The following IGSF23 variants were observed in gnomAD, a reference collection of about 807,000 sequenced individuals.
The protein encoded by IGSF23 is immunoglobulin superfamily, member 23.
In IGSF23, 14 loss-of-function variants were observed where a neutral mutation model predicts 17.8. The observed-to-expected ratio is 0.79, with a 90% CI of 0.52 to 1.23. The LOEUF is 1.23. Among genes scored for constraint, IGSF23 ranks in the 50% most tolerant of loss-of-function variants. IGSF23 has a pLI of 0.00. For missense variants in IGSF23, 214 were observed against 241.7 expected (o/e 0.89, Z 0.76); for synonymous variants, 85 against 92.5 (o/e 0.92, Z 0.46).
At chr19:44,617,848 G>A (rs936407962) in intron 1 of IGSF23, among the ~76,000 whole-genome samples, 21 of 152,064 alleles carry the variant, frequency 1.4e-4, no homozygotes, top group African/African-American at 4.3e-4. Flanking sequence ...TTACTCCCCC[G>A]CTGCCCTCTC....
chr19:44,636,017 G>T (rs1972881581), intron 4 of IGSF23, among the ~76,000 whole-genome samples: 1 of 152,188 alleles, frequency 6.6e-6, no homozygotes, highest in Admixed American at 6.5e-5. Flanking sequence ...TAGCCTCATA[G>T]CTGGGACAAC....
intron 3 of IGSF23, 138 bp from the exon 4 acceptor site, chr19:44,635,263 A>T: frequency 1.5e-6 from 1 of 676,500 alleles, no homozygotes; most frequent in Non-Finnish European, 2.5e-6. Flanking sequence ...TGTCTGAAGA[A>T]TCTATCTCCA....
At chr19:44,624,899 C>CA (rs71171273) in intron 2 of IGSF23, among the ~76,000 whole-genome samples, 3,032 of 87,534 alleles carry the variant, frequency 0.035, 228 homozygotes, top group African/African-American at 0.14. Flanking sequence ...CTGTCTCTAC[C>CA]AAAAAAAAAA....
chr19:44,619,219 C>T (rs1045090918), intron 1 of IGSF23, among the ~76,000 whole-genome samples: 2 of 152,264 alleles, frequency 1.3e-5, no homozygotes, highest in South Asian at 2.1e-4. Flanking sequence ...ATGAGGACAG[C>T]GTCAAGCCAT....
chr19:44,617,611 C>T (rs1042230242), intron 1 of IGSF23, among the ~76,000 whole-genome samples: 1 of 152,122 alleles, frequency 6.6e-6, no homozygotes, highest in African/African-American at 2.4e-5. Flanking sequence ...CCAGAACAAA[C>T]ATTATGTCAC....
chr19:44,627,326 A>G, intron 2 of IGSF23, 94 bp from the exon 3 acceptor site: 1 of 1,276,326 alleles, frequency 7.8e-7, no homozygotes, highest in Non-Finnish European at 1.1e-6. Context: ...GGATGGATTG[A>G]AGAGACACTT....
intron 3 of IGSF23, among the ~76,000 whole-genome samples, chr19:44,630,638 G>A (rs1972744832): frequency 6.6e-6 from 1 of 152,200 alleles, no homozygotes; most frequent in Non-Finnish European, 1.5e-5. Context: ...AGACTCCTGG[G>A]ACAAGGCCAA....
chr19:44,619,550 C>T (rs1599731445), intron 1 of IGSF23, among the ~76,000 whole-genome samples: 1 of 152,172 alleles, frequency 6.6e-6, no homozygotes, highest in South Asian at 2.1e-4. Context: ...TCGGCTCGGG[C>T]AAAATACTCT....
intron 3 of IGSF23, among the ~76,000 whole-genome samples, chr19:44,630,143 G>A (rs1227372909): frequency 2.6e-5 from 4 of 152,186 alleles, no homozygotes; most frequent in Non-Finnish European, 4.4e-5. Context: ...TTGTGAGGAA[G>A]AGAAATCTGT....
rs370033918 is a variant in IGSF23 at position 44,613,852 on chromosome 19, G to A, written c.125+82G>A. ...GCAGGGTGAGGCCGGGGCTGCAGAC[G>A]CGACTGTACAGGTCTATGAAGACCC... On this transcript the variant is annotated intron_variant, in intron 1 of 4. Transcript: ENST00000402988. 222 of 1,546,524 alleles carry A rather than the reference G, an allele frequency of 1.4e-4. 1 individual carries two copies. In the African/African-American group the frequency reaches 2.6e-3, roughly 18 times the overall value.
Position 44,623,736 on chromosome 19 carries a change from C to A in IGSF23, c.155C>A (p.Pro52Gln). 1.3e-6 allele frequency: 2 copies of A among 1,551,136 alleles called. No individual in the cohort carries two copies. The highest frequency in any genetic ancestry group is 1.7e-6 in the Non-Finnish European group (2 of 1,147,096). The change falls in exon 2 of 5, where the codon CCA becomes CAA. Residue 52 changes from proline (P) to glutamine (Q), a missense_variant. By Grantham distance (76) the Pro-to-Gln change is moderately conservative. Transcript: ENST00000402988. The stretch of plus-strand genomic sequence containing the variant: ...CAACTAATGCCACTGAAGACATTCC[C>A]AGCTGCTATCCGGGGAGTCATCCAG... ...VLQLMPLKTF[P>Q]AAIRGVIQSE...
intron 1 of IGSF23, among the ~76,000 whole-genome samples, chr19:44,621,307 CT>C (rs1400927768): frequency 7.0e-6 from 1 of 142,878 alleles, no homozygotes; most frequent in Admixed American, 7.2e-5. Context: ...AAAAATAGCC[CT>C]GTTTGTTTCA....
chr19:44,626,668 C>T (rs1972654546), intron 2 of IGSF23, among the ~76,000 whole-genome samples: 2 of 152,168 alleles, frequency 1.3e-5, no homozygotes, highest in East Asian at 1.9e-4. Flanking sequence ...GAGGTTGAGG[C>T]GGGTGGGTCA....
intron 3 of IGSF23, among the ~76,000 whole-genome samples, chr19:44,633,662 C>T (rs62119276): frequency 0.06 from 9,086 of 152,210 alleles, 349 homozygotes; most frequent in South Asian, 0.16. Context: ...GCCACGTGGA[C>T]GACCAGTGCT....
intron 3 of IGSF23, 50 bp from the exon 4 acceptor site, chr19:44,635,347 ATTCT>A (rs2123730714): frequency 8.2e-7 from 1 of 1,214,248 alleles, no homozygotes; most frequent in Non-Finnish European, 1.2e-6. Context: ...GATGATTCTT[ATTCT>A]CTCTCTCTCT....
intron 3 of IGSF23, among the ~76,000 whole-genome samples, chr19:44,628,882 C>T (rs1322548861): frequency 1.3e-5 from 2 of 152,054 alleles, no homozygotes; most frequent in Non-Finnish European, 1.5e-5. Context: ...GGAAGGCCTC[C>T]CTGGGACAGT....
chr19:44,614,084 C>T, intron 1 of IGSF23: 1 of 1,088,702 alleles, frequency 9.2e-7, no homozygotes, highest in Non-Finnish European at 1.3e-6. Flanking sequence ...GAGCTTTGAC[C>T]CTGTCAGTTT....
intron 3 of IGSF23, among the ~76,000 whole-genome samples, chr19:44,633,278 G>T (rs545182382): frequency 2.0e-5 from 3 of 152,324 alleles, no homozygotes; most frequent in Admixed American, 2.0e-4. Flanking sequence ...CATTTTAAAG[G>T]TATAGGTTCT....
chr19:44,624,290 C>CTT (rs569873573), intron 2 of IGSF23, among the ~76,000 whole-genome samples: 18 of 132,752 alleles, frequency 1.4e-4, no homozygotes, highest in African/African-American at 3.7e-4. Context: ...TCTTCTTCTT[C>CTT]TTTTTTTTTT....
Sources: gnomAD v4.1 joint callset for allele counts (sites outside exome capture counted in the v4.1 genomes callset) on GRCh38, gnomAD v4.1.1 for gene constraint, MANE v1.5 for transcripts, NCBI Gene and HGNC (gene_info 2026-07-23, HGNC 2026-07-21) for gene names.